FRMPD1: variants seen among roughly 807,000 people sequenced by gnomAD.
The protein encoded by FRMPD1 is FERM and PDZ domain containing 1.
A neutral mutation model predicts 117.8 loss-of-function variants in FRMPD1; 76 were observed. That is an observed-to-expected ratio of 0.65 (90% CI 0.54 to 0.78). FRMPD1 has a LOEUF of 0.78. FRMPD1 is among the 30% of genes least tolerant of loss of function. The pLI is 0.00. For synonymous variants in FRMPD1, 783 were observed against 770.4 expected, an observed-to-expected ratio of 1.02 and a Z score of -0.27; for missense variants, 1,786 against 1,964.5, an observed-to-expected ratio of 0.91 and a Z score of 1.72.
chr9:37,641,948 T>C, the FRMPD1 span, among the ~76,000 whole-genome samples: 4 of 152,394 alleles, frequency 2.6e-5, no homozygotes, highest in East Asian at 3.8e-4. Context: ...TCCAATTCTA[T>C]GTTTTGTAGG....
At chr9:37,692,998 A>G in intron 2 of FRMPD1, 1 of 543,282 alleles carries the variant, frequency 1.8e-6, no homozygotes, top group Non-Finnish European at 3.3e-6. Flanking sequence ...AAACACACTG[A>G]CACACAGACA....
intron 1 of FRMPD1, among the ~76,000 whole-genome samples, chr9:37,670,840 T>C (rs1264920574): frequency 6.6e-6 from 1 of 152,176 alleles, no homozygotes; most frequent in African/African-American, 2.4e-5. Context: ...GATTGAAAAA[T>C]TGTCTTAATG....
the FRMPD1 span, among the ~76,000 whole-genome samples, chr9:37,638,919 G>A: frequency 2.0e-5 from 3 of 152,126 alleles, no homozygotes; most frequent in Non-Finnish European, 2.9e-5. Flanking sequence ...ATCCCTGAGA[G>A]CAGAGGTTCC....
chr9:37,648,266 AT>A (rs139033272), upstream of FRMPD1, among the ~76,000 whole-genome samples: 32 of 151,540 alleles, frequency 2.1e-4, no homozygotes, highest in African/African-American at 1.9e-4. Flanking sequence ...TCAAGACTAC[AT>A]TTTTTTTTAA....
chr9:37,739,281 A>C (rs1349414845), intron 14 of FRMPD1, among the ~76,000 whole-genome samples: 1 of 152,190 alleles, frequency 6.6e-6, no homozygotes, highest in Non-Finnish European at 1.5e-5. Context: ...AAGGGCAACA[A>C]GGCCATACTG....
chr9:37,656,449 T>C (rs1395046321), intron 1 of FRMPD1, among the ~76,000 whole-genome samples: 1 of 152,204 alleles, frequency 6.6e-6, no homozygotes, highest in African/African-American at 2.4e-5. Flanking sequence ...TTCTTTATAT[T>C]ATAAAAGCGT....
chr9:37,720,721 T>A (rs988325872), intron 6 of FRMPD1, among the ~76,000 whole-genome samples: 14 of 150,518 alleles, frequency 9.3e-5, no homozygotes, highest in South Asian at 2.1e-4. Flanking sequence ...ACCACATCTC[T>A]ACTAAAAATA....
chr9:37,673,548 C>T (rs1291442955), intron 1 of FRMPD1, among the ~76,000 whole-genome samples: 1 of 152,164 alleles, frequency 6.6e-6, no homozygotes, highest in Non-Finnish European at 1.5e-5. Context: ...GTAGGCAGTG[C>T]CCCAGTAGGG....
At position 37,711,460 on chromosome 9, in the gene FRMPD1, C is replaced by T. The variant is rs1195260686; in HGVS notation, c.408+65C>T. 15 of 1,189,484 alleles carry T rather than the reference C, an allele frequency of 1.3e-5. No individual in the cohort carries two copies. In the South Asian group the frequency reaches 1.6e-4, roughly 13 times the overall value. The allele number at this position is 1,189,484 out of a possible 1,614,324, so 73.7% of individuals were successfully genotyped here. A position where few individuals can be genotyped will look rare whatever the true frequency, so the allele number is the denominator to read the frequency against. On this transcript the variant is annotated intron_variant, in intron 5 of 15. Transcript: ENST00000377765. ...TCTTGGCCCTAAGACCCTGTTCCCC[C>T]AGAGGATATCCCTCATAAAGTAAGC...
the FRMPD1 span, among the ~76,000 whole-genome samples, chr9:37,621,947 A>G: frequency 6.6e-6 from 1 of 152,156 alleles, no homozygotes; most frequent in Non-Finnish European, 1.5e-5. Context: ...AGTCAGTTTG[A>G]CACAACTGCT....
At chr9:37,660,536 C>T (rs998195921) in intron 1 of FRMPD1, among the ~76,000 whole-genome samples, 27 of 152,090 alleles carry the variant, frequency 1.8e-4, no homozygotes, top group Admixed American at 9.2e-4. Context: ...TAGAGACCTC[C>T]GCTTCTCATT....
At chr9:37,604,084 G>A in the FRMPD1 span, among the ~76,000 whole-genome samples, 1 of 152,204 alleles carries the variant, frequency 6.6e-6, no homozygotes, top group African/African-American at 2.4e-5. Context: ...AGGCATGGCA[G>A]CAATGCAGTG....
the FRMPD1 span, among the ~76,000 whole-genome samples, chr9:37,624,611 G>A: frequency 1.3e-5 from 2 of 152,124 alleles, no homozygotes; most frequent in African/African-American, 4.8e-5. Context: ...TAGAATCTCA[G>A]TTTATCTGTA....
At chr9:37,626,505 A>G in the FRMPD1 span, among the ~76,000 whole-genome samples, 1 of 148,918 alleles carries the variant, frequency 6.7e-6, no homozygotes, top group Non-Finnish European at 1.5e-5. Context: ...AGTCTCAAAA[A>G]AAAAAAAAAA....
chr9:37,608,817 GTGTACAC>G, the FRMPD1 span, among the ~76,000 whole-genome samples: 1 of 152,220 alleles, frequency 6.6e-6, no homozygotes, highest in African/African-American at 2.4e-5. Context: ...GCTAGGCCCT[GTGTACAC>G]TGAAAGTTTC....
At chr9:37,627,803 T>G in the FRMPD1 span, among the ~76,000 whole-genome samples, 1 of 152,258 alleles carries the variant, frequency 6.6e-6, no homozygotes, top group Non-Finnish European at 1.5e-5. Context: ...ACTTAGGTAC[T>G]GTGATAAAGT....
At chr9:37,686,264 G>A (rs1166562854) in intron 1 of FRMPD1, among the ~76,000 whole-genome samples, 1 of 152,236 alleles carries the variant, frequency 6.6e-6, no homozygotes, top group Non-Finnish European at 1.5e-5. Context: ...CTGGGCGGTG[G>A]TGGTAGGAGT....
chr9:37,614,504 TTGAC>T, the FRMPD1 span, among the ~76,000 whole-genome samples: 1 of 152,178 alleles, frequency 6.6e-6, no homozygotes, highest in African/African-American at 2.4e-5. Context: ...GACAATGAAA[TTGAC>T]TGAATGACTC....
chr9:37,684,399 A>G (rs569103955), intron 1 of FRMPD1, among the ~76,000 whole-genome samples: 1 of 152,358 alleles, frequency 6.6e-6, no homozygotes, highest in Admixed American at 6.5e-5. Flanking sequence ...GCACATAGTA[A>G]GTGGTAATGT....
Sources: gnomAD v4.1 joint callset for allele counts (sites outside exome capture counted in the v4.1 genomes callset) on GRCh38, gnomAD v4.1.1 for gene constraint, MANE v1.5 for transcripts, NCBI Gene and HGNC (gene_info 2026-07-23, HGNC 2026-07-21) for gene names.